The following SAMMSON variants were observed in gnomAD, a reference collection of about 807,000 sequenced individuals.
The protein encoded by SAMMSON is long intergenic non-protein coding RNA 1212.
chr3:70,074,838 G>A (rs778632152), intron 4 of SAMMSON: 3 of 152,020 alleles, frequency 2.0e-5, no homozygotes, highest in Non-Finnish European at 4.4e-5. Context: ...TGCTTGTGTG[G>A]TCTGATCAGC....
chr3:70,174,528 T>A (rs920137770), intron 4 of SAMMSON, among the ~76,000 whole-genome samples: 3 of 151,962 alleles, frequency 2.0e-5, no homozygotes, highest in African/African-American at 7.2e-5. Context: ...TGTAGATATT[T>A]AGTAGCCCTA....
intron 4 of SAMMSON, chr3:70,205,193 C>G (rs1380997221): frequency 6.6e-6 from 1 of 152,096 alleles, no homozygotes; most frequent in South Asian, 2.1e-4. Context: ...TCTGGATTTT[C>G]TTGGAAAACT....
intron 7 of SAMMSON, among the ~76,000 whole-genome samples, chr3:70,328,514 A>G (rs1357478864): frequency 1.3e-5 from 2 of 152,182 alleles, no homozygotes; most frequent in East Asian, 3.8e-4. Context: ...TGACAATACA[A>G]TTTCTAAGAT....
chr3:70,005,705 C>T (rs1317983625), intron 1 of SAMMSON, among the ~76,000 whole-genome samples: 1 of 152,132 alleles, frequency 6.6e-6, no homozygotes, highest in Non-Finnish European at 1.5e-5. Context: ...GGAGGGAAGT[C>T]GTCTTTGGAT....
chr3:70,022,426 C>CAAAAAAAAAAAAAAAAAAAA (rs60455629), intron 3 of SAMMSON, among the ~76,000 whole-genome samples: 7 of 91,126 alleles, frequency 7.7e-5, no homozygotes, highest in Non-Finnish European at 1.3e-4. Context: ...AGTATAATAA[C>CAAAAAAAAAAAAAAAAAAAA]AAAAAAAAAA....
chr3:70,222,752 T>C (rs1408975428), intron 4 of SAMMSON, among the ~76,000 whole-genome samples: 2 of 152,178 alleles, frequency 1.3e-5, no homozygotes, highest in African/African-American at 4.8e-5. Flanking sequence ...CTGGTATAAA[T>C]ATACAGGTGC....
chr3:70,247,570 C>G (rs1280297266), intron 4 of SAMMSON, among the ~76,000 whole-genome samples: 1 of 151,626 alleles, frequency 6.6e-6, no homozygotes, highest in Non-Finnish European at 1.5e-5. Context: ...CATATCAATG[C>G]CACAACTCAA....
chr3:70,095,362 T>C (rs1361214789), intron 4 of SAMMSON, among the ~76,000 whole-genome samples: 1 of 152,208 alleles, frequency 6.6e-6, no homozygotes, highest in Non-Finnish European at 1.5e-5. Flanking sequence ...CAGGGCTAGC[T>C]AGGTGCCTGG....
At chr3:70,152,722 C>T (rs1419969334) in intron 4 of SAMMSON, among the ~76,000 whole-genome samples, 1 of 151,962 alleles carries the variant, frequency 6.6e-6, no homozygotes, top group Admixed American at 6.6e-5. Flanking sequence ...CAGTGACTTG[C>T]TTCAACACAA....
At chr3:70,076,811 G>A (rs1355503121) in intron 4 of SAMMSON, among the ~76,000 whole-genome samples, 1 of 152,180 alleles carries the variant, frequency 6.6e-6, no homozygotes, top group East Asian at 1.9e-4. Flanking sequence ...AAGTGGAATT[G>A]GCAGTTCAGG....
At chr3:70,425,957 A>G (rs1431161965) in intron 2 of SAMMSON, among the ~76,000 whole-genome samples, 1 of 152,186 alleles carries the variant, frequency 6.6e-6, no homozygotes, top group Non-Finnish European at 1.5e-5. Context: ...AAACTCAGTG[A>G]TAGTGTCAGA....
At chr3:70,278,812 T>G (rs1354283560) in intron 6 of SAMMSON, among the ~76,000 whole-genome samples, 1 of 152,002 alleles carries the variant, frequency 6.6e-6, no homozygotes, top group Non-Finnish European at 1.5e-5. Flanking sequence ...ATGCCTCAGA[T>G]TCTTCTTCTA....
intron 2 of SAMMSON, among the ~76,000 whole-genome samples, chr3:70,432,763 T>C (rs1701424522): frequency 6.6e-6 from 1 of 152,024 alleles, no homozygotes. Context: ...ATTACAGTAT[T>C]ATATAGAATG....
intron 2 of SAMMSON, among the ~76,000 whole-genome samples, chr3:70,396,172 A>C (rs1016201927): frequency 1.3e-5 from 2 of 152,166 alleles, no homozygotes; most frequent in Non-Finnish European, 2.9e-5. Context: ...TATTTTCTCC[A>C]TATATGAAAG....
intron 7 of SAMMSON, among the ~76,000 whole-genome samples, chr3:70,345,294 T>C (rs928556668): frequency 1.3e-5 from 2 of 152,230 alleles, no homozygotes; most frequent in African/African-American, 4.8e-5. Context: ...CCATAGGAAC[T>C]AACTTTATCA....
chr3:70,354,736 T>C (rs1702817199), intron 8 of SAMMSON, among the ~76,000 whole-genome samples: 1 of 152,166 alleles, frequency 6.6e-6, no homozygotes, highest in Admixed American at 6.5e-5. Context: ...CTAAATTTGG[T>C]TTGAGGACTC....
downstream of SAMMSON, among the ~76,000 whole-genome samples, chr3:70,392,199 GA>G (rs2106757847): frequency 6.6e-6 from 1 of 152,202 alleles, no homozygotes; most frequent in South Asian, 2.1e-4. Flanking sequence ...TCATAATAAT[GA>G]TTCTGATTTT....
At chr3:70,189,937 A>G (rs924717409) in intron 4 of SAMMSON, among the ~76,000 whole-genome samples, 3 of 152,178 alleles carry the variant, frequency 2.0e-5, no homozygotes, top group Admixed American at 2.0e-4. Context: ...ATGGACTTAT[A>G]TGAAAATTTA....
chr3:70,405,428 C>T (rs1264900478), intron 2 of SAMMSON, among the ~76,000 whole-genome samples: 1 of 151,958 alleles, frequency 6.6e-6, no homozygotes, highest in African/African-American at 2.4e-5. Context: ...TGACCCATGA[C>T]CAGAAGGAAA....
Sources: allele counts gnomAD v4.1 joint callset (sites outside exome capture counted in the v4.1 genomes callset), GRCh38; gene constraint gnomAD v4.1.1; transcripts MANE v1.5; gene names NCBI Gene and HGNC (gene_info 2026-07-23, HGNC 2026-07-21).